Variants in COL8A2 observed in about 807,000 individuals in gnomAD.
COL8A2 encodes the protein collagen alpha-2(VIII) chain.
COL8A2 carries 16 observed loss-of-function variants against 24.0 expected under a neutral mutation model. The ratio of observed to expected loss-of-function variants is 0.67; its 90% CI spans 0.45 to 1.01. The LOEUF (loss-of-function observed/expected upper bound fraction) is 1.01, where lower values mean the gene tolerates loss of function less well. COL8A2 is among the 50% of genes least tolerant of loss of function. The probability of loss-of-function intolerance (pLI) is 0.00; values close to 1 mark genes in which losing one functional copy is unlikely to be tolerated. For synonymous variants in COL8A2, 466 were observed against 424.5 expected (o/e 1.10, Z -1.20); for missense variants, 818 against 942.4 (o/e 0.87, Z 1.73).
Position 36,099,180 on chromosome 1 carries a change from T to G in COL8A2, c.501A>C (p.Ser167=), listed in dbSNP as rs2124074111. ...PPGPPGLPGP[S]GITIPGKPGA... ...CTGGTTTTCCAGGGATAGTAATGCC[T>G]GAGGGGCCCGGGAGGCCAGGGGGTC... Residue 167 remains serine, a synonymous_variant, in exon 4 of 4, where the codon TCA becomes TCC. Coordinates refer to ENST00000397799, the MANE Select transcript of COL8A2 (RefSeq NM_005202.4). 1 of 1,506,358 alleles carries G rather than the reference T, an allele frequency of 6.6e-7. No homozygotes were observed. Among genetic ancestry groups the G allele is most frequent in the African/African-American group, 1.4e-5 (1 of 70,656 alleles). The allele number at this position is 1,506,358 out of a possible 1,614,324, so 93.3% of individuals were successfully genotyped here.
chr1:36,121,661 C>T (rs559381260), intron 1 of COL8A2, among the ~76,000 whole-genome samples: 97 of 151,204 alleles, frequency 6.4e-4, no homozygotes, highest in Non-Finnish European at 8.0e-4. Context: ...GAGCCAAGAT[C>T]GTGCCACTGC....
chr1:36,113,920 G>A (rs1643867059), intron 2 of COL8A2, among the ~76,000 whole-genome samples: 1 of 152,182 alleles, frequency 6.6e-6, no homozygotes, highest in Non-Finnish European at 1.5e-5. Context: ...GCTGAAATCA[G>A]AGCAAATGAC....
chr1:36,098,052 G>T lies in COL8A2; in HGVS notation c.1629C>A (p.Gly543=). 6.3e-7 allele frequency: 1 copy of T among 1,585,180 alleles called. No individual in the cohort carries two copies. Among genetic ancestry groups the T allele is most frequent in the Non-Finnish European group, 8.5e-7 (1 of 1,170,216 alleles). The change falls in exon 4 of 4, where the codon GGC becomes GGA. Residue 543 remains glycine, a synonymous_variant. Transcript: ENST00000397799. ...PGAFDETGIA[G]LHLPNGGVEG... ...CCACACCGCCGTTGGGCAGGTGCAA[G>T]CCTGCGATGCCAGTCTCATCGAAGG...
intron 2 of COL8A2, among the ~76,000 whole-genome samples, chr1:36,114,318 C>CA (rs57876657): frequency 0.12 from 13,614 of 115,284 alleles, 2,151 homozygotes; most frequent in East Asian, 0.54. Flanking sequence ...GACTCCATCT[C>CA]AAAAAAAAAA....
At chr1:36,106,977 C>G (rs1039118153) in intron 2 of COL8A2, among the ~76,000 whole-genome samples, 3 of 152,034 alleles carry the variant, frequency 2.0e-5, no homozygotes, top group South Asian at 2.1e-4. Flanking sequence ...AGGACTGCAG[C>G]TGGAAGACCA....
At chr1:36,102,703 G>C (rs1267085493) in intron 2 of COL8A2, among the ~76,000 whole-genome samples, 1 of 77,980 alleles carries the variant, frequency 1.3e-5, no homozygotes, top group South Asian at 4.3e-4. Context: ...ATGGAGTCTT[G>C]TTCTGTTGCC....
chr1:36,106,568 G>A (rs1055219048), intron 2 of COL8A2, among the ~76,000 whole-genome samples: 2 of 152,282 alleles, frequency 1.3e-5, no homozygotes, highest in South Asian at 2.1e-4. Context: ...GGTCTGCTCT[G>A]GCCTGGTTGG....
At chr1:36,105,626 CT>C (rs951964146) in intron 2 of COL8A2, among the ~76,000 whole-genome samples, 1 of 152,196 alleles carries the variant, frequency 6.6e-6, no homozygotes. Flanking sequence ...TCATACACGC[CT>C]GTGAGGTATG....
chr1:36,099,980 G>T, intron 3 of COL8A2, 70 bp downstream of exon 3: 2 of 1,446,846 alleles, frequency 1.4e-6, no homozygotes, highest in Non-Finnish European at 1.9e-6. Flanking sequence ...GGATCTGATG[G>T]CTCTCAGGGA....
intron 2 of COL8A2, among the ~76,000 whole-genome samples, chr1:36,111,210 C>T (rs1557744802): frequency 6.6e-6 from 1 of 152,144 alleles, no homozygotes; most frequent in South Asian, 2.1e-4. Context: ...GACCCCTCCC[C>T]AGCCACCCTC....
At chr1:36,100,941 CA>C (rs2124078479) in intron 2 of COL8A2, among the ~76,000 whole-genome samples, 1 of 115,910 alleles carries the variant, frequency 8.6e-6, no homozygotes, top group East Asian at 3.0e-4. Flanking sequence ...TCGCCCAGTG[CA>C]ATGTGCAATG....
chr1:36,101,921 G>A (rs1431962311), intron 2 of COL8A2, among the ~76,000 whole-genome samples: 1 of 152,056 alleles, frequency 6.6e-6, no homozygotes, highest in Non-Finnish European at 1.5e-5. Context: ...GCTCACGCCT[G>A]TAATCTCAGT....
In COL8A2 at chr1:36,110,260, T is replaced by C. The variant is rs142956038; in HGVS notation, c.-17+5448A>G. Among the ~76,000 whole-genome samples, 179 of 120,386 alleles carry C rather than the reference T, an allele frequency of 1.5e-3. 3 individuals carry two copies. The East Asian group carries it at 0.032, about 22-fold the overall frequency. 79.0% of individuals were successfully genotyped at this position (120,386 alleles called of 152,430 possible). A position where few individuals can be genotyped will look rare whatever the true frequency, so the allele number is the denominator to read the frequency against. ...TCCTTTACTGTCTTAATGAGCTTGC[T>C]CTCATTTAAAAAAAAAAAAAAAAAG... On this transcript the variant is annotated intron_variant, in intron 2 of 3. Transcript: ENST00000397799.
chr1:36,112,456 A>G (rs1014835131), intron 2 of COL8A2, among the ~76,000 whole-genome samples: 3 of 152,082 alleles, frequency 2.0e-5, no homozygotes, highest in Admixed American at 6.6e-5. Flanking sequence ...ACAACTGTAC[A>G]TGACATCTCT....
At chr1:36,121,509 T>G (rs904233393) in intron 1 of COL8A2, among the ~76,000 whole-genome samples, 1 of 148,536 alleles carries the variant, frequency 6.7e-6, no homozygotes, top group Non-Finnish European at 1.5e-5. Flanking sequence ...TCACCTGAGG[T>G]CAGGTGTGCA....
At chr1:36,111,413 C>T (rs1643838929) in intron 2 of COL8A2, among the ~76,000 whole-genome samples, 1 of 152,216 alleles carries the variant, frequency 6.6e-6, no homozygotes. Flanking sequence ...CCCAGGCTTG[C>T]CCAAGGAGCT....
intron 3 of COL8A2, 48 bp downstream of exon 3, chr1:36,100,002 T>C: frequency 1.3e-6 from 2 of 1,570,404 alleles, no homozygotes; most frequent in South Asian, 2.2e-5. Flanking sequence ...GCAGGGGATT[T>C]GGGGGCTGGG....
At chr1:36,112,427 T>C (rs189276183) in intron 2 of COL8A2, among the ~76,000 whole-genome samples, 1 of 152,300 alleles carries the variant, frequency 6.6e-6, no homozygotes, top group East Asian at 1.9e-4. Context: ...TGGGTGCCTT[T>C]GTACAGTAGC....
Position 36,099,355 on chromosome 1 carries a change from C to T in COL8A2, c.326G>A (p.Gly109Glu), listed in dbSNP as rs1160626313. 1 of 1,581,384 alleles carries T rather than the reference C, an allele frequency of 6.3e-7. No homozygotes were observed. The highest frequency in any genetic ancestry group is 8.6e-7 in the Non-Finnish European group (1 of 1,166,756). The change falls in exon 4 of 4, where the codon GGG (glycine) becomes GAG (glutamate). Residue 109 changes from glycine (G) to glutamate (E), a missense_variant. By Grantham distance (98) the Gly-to-Glu change is moderately conservative (BLOSUM62 -2). Coordinates refer to ENST00000397799, the MANE Select transcript of COL8A2 (RefSeq NM_005202.4). ...KPGMGKPGLHGQPGPAGPPGF... is the reference protein window; with the variant it reads ...KPGMGKPGLHEQPGPAGPPGF... ...AGGGGGCCCAGCAGGGCCAGGCTGC[C>T]CATGGAGTCCTGGCTTTCCCATGCC...
Sources: gnomAD v4.1 joint callset for allele counts (sites outside exome capture counted in the v4.1 genomes callset) on GRCh38, gnomAD v4.1.1 for gene constraint, MANE v1.5 for transcripts, NCBI Gene and HGNC (gene_info 2026-07-23, HGNC 2026-07-21) for gene names.